The following MTA3 variants were observed in gnomAD, a reference collection of about 807,000 sequenced individuals.
MTA3 encodes the protein metastasis associated 1 family member 3.
A neutral mutation model predicts 83.5 loss-of-function variants in MTA3; 34 were observed. That is an observed-to-expected ratio of 0.41 (90% CI 0.31 to 0.54). The LOEUF (loss-of-function observed/expected upper bound fraction) is 0.54, where lower values mean the gene tolerates loss of function less well. Ranked by LOEUF, MTA3 falls within the 20% of genes least tolerant of loss-of-function variation. The pLI is 0.33. For missense variants in MTA3, 761 were observed against 726.4 expected, an observed-to-expected ratio of 1.05 and a Z score of -0.55; for synonymous variants, 303 against 252.7, an observed-to-expected ratio of 1.20 and a Z score of -1.89.
At chr2:42,748,614 T>C (rs1669627637) in intron 16 of MTA3, among the ~76,000 whole-genome samples, 2 of 152,224 alleles carry the variant, frequency 1.3e-5, no homozygotes, top group South Asian at 4.1e-4. Context: ...ATAGATTCTT[T>C]AGCGTATTTA....
At chr2:42,607,176 A>G (rs1683572084) in intron 3 of MTA3, among the ~76,000 whole-genome samples, 1 of 151,748 alleles carries the variant, frequency 6.6e-6, no homozygotes. Flanking sequence ...CCCCGCAAGT[A>G]AAATAGGGTG....
intron 7 of MTA3, among the ~76,000 whole-genome samples, chr2:42,657,551 G>C (rs1299171698): frequency 6.6e-6 from 1 of 152,166 alleles, no homozygotes; most frequent in Non-Finnish European, 1.5e-5. Context: ...GCCAAGGGCT[G>C]TATGTTTCCC....
chr2:42,598,095 C>G (rs951951355), intron 3 of MTA3, among the ~76,000 whole-genome samples: 2 of 149,264 alleles, frequency 1.3e-5, no homozygotes, highest in Non-Finnish European at 3.0e-5. Context: ...TTTTTTGAGA[C>G]AGAATCTTGC....
chr2:42,636,998 G>A (rs748030977), intron 4 of MTA3, among the ~76,000 whole-genome samples: 26 of 152,100 alleles, frequency 1.7e-4, no homozygotes, highest in Non-Finnish European at 1.9e-4. Context: ...ACATTTTTAC[G>A]TTTTTCAGTC....
chr2:42,510,311 GA>G (rs1260439717), intron 2 of MTA3, among the ~76,000 whole-genome samples: 18,404 of 87,322 alleles, frequency 0.21, 1,400 homozygotes, highest in African/African-American at 0.34. Flanking sequence ...GGGCGACTCA[GA>G]AAAAAAAAAA....
At chr2:42,611,594 T>G (rs1684227576) in intron 4 of MTA3, among the ~76,000 whole-genome samples, 2 of 152,026 alleles carry the variant, frequency 1.3e-5, no homozygotes, top group Admixed American at 6.6e-5. Flanking sequence ...GGGAGGAGGA[T>G]TGCATGATGC....
At chr2:42,684,516 G>C (rs1198021803) in intron 9 of MTA3, among the ~76,000 whole-genome samples, 1 of 152,148 alleles carries the variant, frequency 6.6e-6, no homozygotes, top group African/African-American at 2.4e-5. Flanking sequence ...AAGTGCATTG[G>C]TATTTAGCTT....
chr2:42,657,006 T>C (rs986530813), intron 7 of MTA3, among the ~76,000 whole-genome samples: 3 of 152,198 alleles, frequency 2.0e-5, no homozygotes, highest in African/African-American at 7.2e-5. Flanking sequence ...AATTATAAAA[T>C]GTTTGCTGTG....
intron 2 of MTA3, among the ~76,000 whole-genome samples, chr2:42,527,052 C>CAAAAAAAAAAAAAAAAAAAAAAAAAA: frequency 2.2e-5 from 1 of 45,334 alleles, no homozygotes; most frequent in Non-Finnish European, 4.0e-5. Flanking sequence ...GACTCTGTCT[C>CAAAAAAAAAAAAAAAAAAAAAAAAAA]AAAAAAAAAA....
In MTA3 at chr2:42,708,949, T is replaced by G; in HGVS notation, c.1378T>G (p.Ser460Ala). 1 of 1,614,026 alleles carries G rather than the reference T, an allele frequency of 6.2e-7. No individual in the cohort carries two copies. The highest frequency in any genetic ancestry group is 8.5e-7 in the Non-Finnish European group (1 of 1,179,896). ...MPVRNTGSPK[S>A]AVKTRQAFFL... is the part of the protein sequence containing the mutation. ...AGTCCGAAACACTGGGAGTCCAAAG[T>G]CTGCAGTGAAGACCCGCCAAGCTTT... The change falls in exon 14 of 17, where the codon TCT becomes GCT. Residue 460 changes from serine to alanine, a missense_variant. By Grantham distance (99) the Ser-to-Ala change is moderately conservative (BLOSUM62 1). Coordinates refer to ENST00000405094, the MANE Select transcript of MTA3 (RefSeq NM_001330442.2).
intron 2 of MTA3, among the ~76,000 whole-genome samples, chr2:42,524,472 G>GTTTTTTTTTTTTTTTT (rs58288129): frequency 3.5e-4 from 25 of 70,674 alleles, no homozygotes; most frequent in African/African-American, 8.0e-4. Context: ...GGCTAGTTGT[G>GTTTTTTTTTTTTTTTT]TTTTTTTTTT....
chr2:42,539,508 G>A (rs551709272), intron 2 of MTA3, among the ~76,000 whole-genome samples: 1 of 150,980 alleles, frequency 6.6e-6, no homozygotes, highest in Non-Finnish European at 1.5e-5. Flanking sequence ...CACATGCGGG[G>A]ATTATGGGAC....
chr2:42,754,108 C>G lies in MTA3; in HGVS notation c.*709C>G. The G allele has an allele frequency of 1.0e-6, 1 of 985,454 alleles. No individual in the cohort carries two copies. The highest frequency in any genetic ancestry group is 1.2e-6 in the Non-Finnish European group (1 of 829,972). The allele number at this position is 985,454 out of a possible 1,614,324, so 61.0% of individuals were successfully genotyped here. ...TTGTGGTTGGAGAGAAACTGGTGTT[C>G]TGCCCGGCTCTGCTTGGTCACAGAC... is the stretch of plus-strand genomic sequence containing the variant. On this transcript the variant is annotated 3_prime_UTR_variant, in exon 17 of 17. Transcript: ENST00000405094.
intron 5 of MTA3, among the ~76,000 whole-genome samples, chr2:42,643,894 C>T (rs1253759671): frequency 6.6e-6 from 1 of 152,150 alleles, no homozygotes; most frequent in African/African-American, 2.4e-5. Flanking sequence ...AATAATAGAA[C>T]TTTATAATCT....
chr2:42,614,840 C>T (rs12468877), intron 4 of MTA3, among the ~76,000 whole-genome samples: 115,804 of 151,406 alleles, frequency 0.76, 44,802 homozygotes, highest in South Asian at 0.88. Flanking sequence ...CATGGCATGG[C>T]AGCGTATGCC....
rs143630087 is a variant in MTA3, at chr2:42,633,927, A to C, written c.318-6246A>C. On this transcript the variant is annotated intron_variant, in intron 4 of 16. Transcript: ENST00000405094. ...ACATATTCTTTCACTTAATATATGCAATCTTAAATGTTTGTTACCAAGATA... is the reference window on the plus strand; with the variant it reads ...ACATATTCTTTCACTTAATATATGCCATCTTAAATGTTTGTTACCAAGATA... 1.5e-3 allele frequency among the ~76,000 whole-genome samples: 236 copies of C among 152,282 alleles called. 1 individual carries two copies. The highest frequency in any genetic ancestry group is 2.4e-3 in the Non-Finnish European group (162 of 68,022).
chr2:42,663,581 C>T (rs1689937988), intron 8 of MTA3, among the ~76,000 whole-genome samples: 1 of 152,106 alleles, frequency 6.6e-6, no homozygotes, highest in South Asian at 2.1e-4. Flanking sequence ...GGCAACATAA[C>T]AAGACTCTGT....
At chr2:42,593,224 C>A (rs1296275168) in intron 3 of MTA3, among the ~76,000 whole-genome samples, 2 of 151,720 alleles carry the variant, frequency 1.3e-5, no homozygotes, top group Admixed American at 6.6e-5. Context: ...CAGTGGCTCA[C>A]ACCTGTAATC....
chr2:42,497,524 G>A (rs1332610248), intron 2 of MTA3, among the ~76,000 whole-genome samples: 1 of 151,668 alleles, frequency 6.6e-6, no homozygotes, highest in African/African-American at 2.4e-5. Flanking sequence ...GGCAGAAGTT[G>A]CAGTGAGCCG....
Sources: allele counts gnomAD v4.1 joint callset (sites outside exome capture counted in the v4.1 genomes callset), GRCh38; gene constraint gnomAD v4.1.1; transcripts MANE v1.5; gene names NCBI Gene and HGNC (gene_info 2026-07-23, HGNC 2026-07-21).